The following TUNAR variants were observed in gnomAD, a reference collection of about 807,000 sequenced individuals.
The protein encoded by TUNAR is protein TUNAR.
chr14:95,909,494 A>T (rs1889478878), intron 2 of TUNAR, among the ~76,000 whole-genome samples: 1 of 152,088 alleles, frequency 6.6e-6, no homozygotes, highest in Non-Finnish European at 1.5e-5. Context: ...CGTGTTAACC[A>T]GGATGGTCTC....
At chr14:95,909,029 A>G (rs1284590288) in intron 2 of TUNAR, among the ~76,000 whole-genome samples, 2 of 152,158 alleles carry the variant, frequency 1.3e-5, no homozygotes, top group Non-Finnish European at 2.9e-5. Flanking sequence ...TTCCTCAGAG[A>G]TACCTGATGA....
intron 2 of TUNAR, among the ~76,000 whole-genome samples, chr14:95,877,963 C>T (rs999329880): frequency 6.6e-6 from 1 of 152,236 alleles, no homozygotes. Context: ...GACAGTGGTT[C>T]CTCCTGTGTG....
chr14:95,899,448 G>A (rs1889314694), intron 2 of TUNAR, among the ~76,000 whole-genome samples: 1 of 152,246 alleles, frequency 6.6e-6, no homozygotes, highest in African/African-American at 2.4e-5. Context: ...TTGGTTAGAA[G>A]TAAATCTTCA....
At chr14:95,908,208 G>A (rs574936223) in intron 2 of TUNAR, among the ~76,000 whole-genome samples, 268 of 152,344 alleles carry the variant, frequency 1.8e-3, no homozygotes, top group Non-Finnish European at 3.2e-3. Flanking sequence ...GCCAACAGCA[G>A]GGAGAAGTCA....
exon 3 of TUNAR, chr14:95,923,295 G>A (rs112798373): frequency 0.02 from 4,166 of 211,658 alleles, 173 homozygotes; most frequent in African/African-American, 0.087. Flanking sequence ...ATTCCAGATC[G>A]CTGACAGATA....
At chr14:95,880,002 T>TG (rs58163162) in intron 2 of TUNAR, among the ~76,000 whole-genome samples, 2,809 of 152,278 alleles carry the variant, frequency 0.018, 53 homozygotes, top group East Asian at 0.08. Flanking sequence ...GATCGGAGTG[T>TG]GAGGAAAACA....
chr14:95,911,210 CGAT>C (rs1889507354), intron 2 of TUNAR, among the ~76,000 whole-genome samples: 1 of 152,176 alleles, frequency 6.6e-6, no homozygotes, highest in African/African-American at 2.4e-5. Flanking sequence ...CAGCCCTACT[CGAT>C]GTAGCATTCC....
exon 3 of TUNAR, chr14:95,922,819 G>C (rs924918089): frequency 2.8e-5 from 11 of 398,912 alleles, no homozygotes; most frequent in African/African-American, 1.2e-4. Context: ...TTGCAACCAA[G>C]ATGGTAATCA....
intron 2 of TUNAR, among the ~76,000 whole-genome samples, chr14:95,892,518 G>C (rs967336083): frequency 6.6e-6 from 1 of 152,226 alleles, no homozygotes; most frequent in Non-Finnish European, 1.5e-5. Context: ...GTATCATTTT[G>C]ACCTCAGGGT....
chr14:95,915,346 T>G (rs1400961865), intron 2 of TUNAR, among the ~76,000 whole-genome samples: 2 of 152,218 alleles, frequency 1.3e-5, no homozygotes, highest in Admixed American at 6.5e-5. Flanking sequence ...TCAGCCTGGC[T>G]GCAGGCATCC....
At chr14:95,879,780 T>C (rs1888948956) in intron 2 of TUNAR, among the ~76,000 whole-genome samples, 1 of 152,138 alleles carries the variant, frequency 6.6e-6, no homozygotes, top group African/African-American at 2.4e-5. Context: ...TGTTAAAATA[T>C]GTTTTAAGTG....
intron 2 of TUNAR, among the ~76,000 whole-genome samples, chr14:95,892,411 G>A (rs1464521093): frequency 2.0e-5 from 3 of 152,250 alleles, no homozygotes; most frequent in African/African-American, 4.8e-5. Flanking sequence ...GTGGCAGTGC[G>A]AGCACATTGT....
intron 2 of TUNAR, among the ~76,000 whole-genome samples, chr14:95,912,935 C>T (rs963830581): frequency 9.9e-5 from 15 of 152,084 alleles, no homozygotes; most frequent in African/African-American, 2.4e-4. Context: ...GGACTACAGG[C>T]GCCTGCCGCC....
At chr14:95,890,117 T>C in intron 2 of TUNAR, among the ~76,000 whole-genome samples, 1 of 152,208 alleles carries the variant, frequency 6.6e-6, no homozygotes, top group African/African-American at 2.4e-5. Flanking sequence ...GCTCAAGCAC[T>C]TCTCCTTTTT....
intron 2 of TUNAR, among the ~76,000 whole-genome samples, chr14:95,890,932 C>T (rs987712935): frequency 9.9e-5 from 15 of 152,188 alleles, no homozygotes; most frequent in African/African-American, 3.6e-4. Flanking sequence ...CACCGGGACC[C>T]ACAGCACTCG....
chr14:95,879,582 T>C (rs1000743737), intron 2 of TUNAR, among the ~76,000 whole-genome samples: 4 of 152,262 alleles, frequency 2.6e-5, no homozygotes, highest in Non-Finnish European at 4.4e-5. Flanking sequence ...AACATTACTC[T>C]TGTTACTGAT....
chr14:95,880,562 G>A lies in TUNAR; in HGVS notation c.12+3385G>A, dbSNP rs114193348. 2.8e-3 allele frequency among the ~76,000 whole-genome samples: 433 copies of A among 152,304 alleles called. 3 individuals are homozygous for A. The highest frequency in any genetic ancestry group is 9.3e-3 in the African/African-American group (386 of 41,562). ...GTAAGAAGACTATGACATTCTATCT[G>A]TGTAGCTTTAGGGTTCAGGGGACTT... On this transcript the variant is annotated intron_variant, in intron 2 of 2. Transcript: ENST00000678517.
At chr14:95,881,640 A>G (rs894425909) in intron 2 of TUNAR, among the ~76,000 whole-genome samples, 7 of 152,148 alleles carry the variant, frequency 4.6e-5, no homozygotes, top group Admixed American at 4.6e-4. Context: ...GTCTCAAGGA[A>G]CTTTTCACGT....
intron 2 of TUNAR, among the ~76,000 whole-genome samples, chr14:95,920,106 A>C (rs1004428868): frequency 1.3e-5 from 2 of 152,242 alleles, no homozygotes; most frequent in African/African-American, 4.8e-5. Flanking sequence ...ACAGCTATAC[A>C]CAACGACGTG....
Sources: gnomAD v4.1 joint callset for allele counts (sites outside exome capture counted in the v4.1 genomes callset) on GRCh38, gnomAD v4.1.1 for gene constraint, MANE v1.5 for transcripts, NCBI Gene and HGNC (gene_info 2026-07-23, HGNC 2026-07-21) for gene names.